Variants in CREBZF observed in about 807,000 individuals in gnomAD.
CREBZF encodes the protein HCF-binding transcription factor Zhangfei.
A neutral mutation model predicts 21.1 loss-of-function variants in CREBZF; 8 were observed. The observed-to-expected ratio is 0.38, with a 90% CI of 0.22 to 0.68. The LOEUF (loss-of-function observed/expected upper bound fraction) is 0.68, where lower values mean the gene tolerates loss of function less well. Ranked by LOEUF, CREBZF falls within the 30% of genes least tolerant of loss-of-function variation. CREBZF has a pLI of 0.51. For missense variants in CREBZF, 518 were observed against 484.3 expected (o/e 1.07, Z -0.65); for synonymous variants, 270 against 223.3 (o/e 1.21, Z -1.86).
At chr11:85,679,829 C>T (rs1176714150) in intron 1 of CREBZF, among the ~76,000 whole-genome samples, 1 of 152,216 alleles carries the variant, frequency 6.6e-6, no homozygotes, top group African/African-American at 2.4e-5. Context: ...CCGTGCCTAC[C>T]CAGTTCTTGG....
At position 85,664,101 on chromosome 11, in the gene CREBZF, C is replaced by A. The variant is rs1670468194; in HGVS notation, c.775G>T (p.Ala259Ser). 1 of 1,613,654 alleles carries A rather than the reference C, an allele frequency of 6.2e-7. No homozygotes were observed. Among genetic ancestry groups the A allele is most frequent in the Non-Finnish European group, 8.5e-7 (1 of 1,180,042 alleles). The change falls in exon 1 of 1, where the codon GCA becomes TCA. Residue 259 changes from alanine (A) to serine (S), a missense_variant. Ala to Ser is a moderately conservative substitution (Grantham distance 99). Coordinates refer to ENST00000527447, the MANE Select transcript of CREBZF (RefSeq NM_001039618.4). This position sits in a 1 kb window ranked among gnomAD's most constrained non-coding sequence, Gnocchi z 5.5. ...AGGTAGCGACTCTCCTCCTGCAGTG[C>A]CTGTACGCGTTTGCCCAGCTCCCGA... The part of the protein sequence containing the change: ...ENRELGKRVQ[A>S]LQEESRYLRA...
chr11:85,681,926 AAAAC>A (rs1434691473), intron 1 of CREBZF, among the ~76,000 whole-genome samples: 1 of 152,242 alleles, frequency 6.6e-6, no homozygotes, highest in Non-Finnish European at 1.5e-5. Flanking sequence ...ACAGAGGAAG[AAAAC>A]AATGCCTTTT....
intron 1 of CREBZF, among the ~76,000 whole-genome samples, chr11:85,673,667 C>G (rs2082926562): frequency 1.3e-5 from 2 of 152,144 alleles, no homozygotes; most frequent in Admixed American, 6.5e-5. Context: ...TTTGCAGCAT[C>G]AACTGACACT....
chr11:85,662,495 T>C lies in CREBZF; in HGVS notation c.*1316A>G, dbSNP rs1468068696. On this transcript the variant is annotated 3_prime_UTR_variant, in exon 1 of 1. Transcript: ENST00000527447. The stretch of plus-strand genomic sequence containing the variant: ...GAAAAACAAGGATGCTAAATACGTA[T>C]ATACTTTATCAAGCAGTGATGTTTC... 2 of 707,416 alleles carry C rather than the reference T, an allele frequency of 2.8e-6. No individual in the cohort carries two copies. Among genetic ancestry groups the C allele is most frequent in the African/African-American group, 1.8e-5 (1 of 56,836 alleles). The allele number at this position is 707,416 out of a possible 1,614,324, so 43.8% of individuals were successfully genotyped here.
At position 85,661,694 on chromosome 11, in the gene CREBZF, T is replaced by G. The variant is rs2082685027; in HGVS notation, c.*2117A>C. On this transcript the variant is annotated 3_prime_UTR_variant, in exon 1 of 1. Transcript: ENST00000527447. Reference sequence around the variant, plus strand: ...GCATTAACAATCATTTTTCCTATTTTCATCCATTATTTTCCAATATCATGT... The same window carrying G: ...GCATTAACAATCATTTTTCCTATTTGCATCCATTATTTTCCAATATCATGT... The G allele has an allele frequency of 1.3e-5, 2 of 152,552 alleles. No homozygotes were observed. The highest frequency in any genetic ancestry group is 1.3e-4 in the Admixed American group (2 of 15,272). The allele number at this position is 152,552 out of a possible 1,614,324, so 9.4% of individuals were successfully genotyped here. A position where few individuals can be genotyped will look rare whatever the true frequency, so the allele number is the denominator to read the frequency against.
intron 1 of CREBZF, among the ~76,000 whole-genome samples, chr11:85,678,154 T>C (rs1279638424): frequency 6.6e-6 from 1 of 152,220 alleles, no homozygotes; most frequent in Non-Finnish European, 1.5e-5. Context: ...TAGTCTCTGA[T>C]AGTTAATTTG....
At chr11:85,679,481 A>C (rs2082962462) in intron 1 of CREBZF, among the ~76,000 whole-genome samples, 1 of 152,262 alleles carries the variant, frequency 6.6e-6, no homozygotes, top group South Asian at 2.1e-4. Context: ...CAGAAAGATC[A>C]GAAATGAAAG....
rs17743826 is a variant in CREBZF, at chr11:85,662,127, G to C, written c.*1684C>G. 9,057 of 414,956 alleles carry C rather than the reference G, an allele frequency of 0.022. 182 individuals carry two copies. The highest frequency in any genetic ancestry group is 0.06 in the Middle Eastern group (81 of 1,360). 25.7% of individuals were successfully genotyped at this position (414,956 alleles called of 1,614,324 possible). A position where few individuals can be genotyped will look rare whatever the true frequency, so the allele number is the denominator to read the frequency against. On this transcript the variant is annotated 3_prime_UTR_variant, in exon 1 of 1. Transcript: ENST00000527447. ...TTCATGCTCAAGTGCAGTAGTAGAT[G>C]ATTTTACAAAATATGCTGTGATGCA...
upstream of CREBZF, among the ~76,000 whole-genome samples, chr11:85,665,378 T>C (rs2082845311): frequency 6.6e-6 from 1 of 152,114 alleles, no homozygotes; most frequent in Non-Finnish European, 1.5e-5. Context: ...TGTAAATTTT[T>C]TTTTTGCTGA....
chr11:85,676,464 G>A (rs959384409), intron 1 of CREBZF, among the ~76,000 whole-genome samples: 1 of 152,010 alleles, frequency 6.6e-6, no homozygotes, highest in East Asian at 1.9e-4. Flanking sequence ...CACAAAATGA[G>A]GAGAATAGTA....
intron 1 of CREBZF, among the ~76,000 whole-genome samples, chr11:85,680,109 T>C (rs1159496416): frequency 6.6e-6 from 1 of 152,202 alleles, no homozygotes; most frequent in East Asian, 1.9e-4. Context: ...TTTATGCAGC[T>C]GGAAATGTTT....
intron 1 of CREBZF, among the ~76,000 whole-genome samples, chr11:85,679,674 T>C (rs991139782): frequency 6.6e-6 from 1 of 152,122 alleles, no homozygotes; most frequent in Non-Finnish European, 1.5e-5. Flanking sequence ...AGGAGAGAAA[T>C]ACTAATCATT....
rs745827477 is a variant in CREBZF at position 85,664,676 on chromosome 11, C to G, written c.200G>C (p.Arg67Thr). The G allele has an allele frequency of 3.7e-6, 6 of 1,603,562 alleles. No individual in the cohort carries two copies. The highest frequency in any genetic ancestry group is 1.7e-4 in the Middle Eastern group (1 of 6,034). Reference sequence around the variant, plus strand: ...CACGGCCACGCCGCCGCGGCTCCCCCTCCCGGCTTCCAACTCTCCTTCGTC... The same window carrying G: ...CACGGCCACGCCGCCGCGGCTCCCCGTCCCGGCTTCCAACTCTCCTTCGTC... ...FGDEGELEAG[R>T]GSRGGVAVRA... The change falls in exon 1 of 1, where the codon AGG becomes ACG. Residue 67 changes from arginine (R) to threonine (T), a missense_variant. By Grantham distance (71) the Arg-to-Thr change is moderately conservative (BLOSUM62 -1). Around this residue, in one of 3 missense-constraint regions of CREBZF, gnomAD observed 396 missense variants for 324.4 expected, o/e 1.22. Coordinates refer to ENST00000527447, the MANE Select transcript of CREBZF (RefSeq NM_001039618.4). This position sits in a 1 kb window ranked among gnomAD's most constrained non-coding sequence, Gnocchi z 5.5.
intron 1 of CREBZF, among the ~76,000 whole-genome samples, chr11:85,680,504 G>C (rs987981460): frequency 6.6e-6 from 1 of 152,224 alleles, no homozygotes; most frequent in Non-Finnish European, 1.5e-5. Context: ...TGGGACTGGG[G>C]AGTAAGGGTG....
intron 1 of CREBZF, among the ~76,000 whole-genome samples, chr11:85,679,705 G>A (rs2082964211): frequency 6.6e-6 from 1 of 152,178 alleles, no homozygotes; most frequent in Non-Finnish European, 1.5e-5. Context: ...CTTTAGGGAC[G>A]AAAAAGATAT....
At position 85,663,728 on chromosome 11, in the gene CREBZF, G is replaced by A; in HGVS notation, c.*83C>T. 2 of 1,593,570 alleles carry A rather than the reference G, an allele frequency of 1.3e-6. No homozygotes were observed. The highest frequency in any genetic ancestry group is 3.4e-5 in the Admixed American group (2 of 58,578). ...TTCTCTCCTCTGAAATGTGTCCGGT[G>A]AAGATGTCCCACTAAGGTAAGTTTG... On this transcript the variant is annotated 3_prime_UTR_variant, in exon 1 of 1. Coordinates refer to ENST00000527447, the MANE Select transcript of CREBZF (RefSeq NM_001039618.4).
upstream of CREBZF, among the ~76,000 whole-genome samples, chr11:85,669,001 CAAAAAAAAAAAAAAAAAAAAAAAAAA>C (rs61718728): frequency 1.2e-4 from 4 of 33,218 alleles, no homozygotes; most frequent in Admixed American, 1.0e-3. Context: ...GACTCCGTCT[CAAAAAAAAAAAAAAAAAAAAAAAAAA>C]AAAAAAAAAA....
Position 85,664,529 on chromosome 11 carries a change from G to T in CREBZF, c.347C>A (p.Pro116Gln). The change falls in exon 1 of 1, where the codon CCG becomes CAG. Residue 116 changes from proline to glutamine, a missense_variant. By Grantham distance (76) the Pro-to-Gln change is moderately conservative (BLOSUM62 -1). Transcript: ENST00000527447. The surrounding 1 kb of genome is among the most constrained non-coding windows in gnomAD (Gnocchi z 5.5). ...ELADLLDPRQ[P>Q]DWHLDPGLSS... ...AAGCCCGGGGTCCAGGTGCCAGTCC[G>T]GTTGCCTGGGGTCCAGGAGATCCGC... The T allele has an allele frequency of 6.2e-7, 1 of 1,613,762 alleles. No homozygotes were observed. Among genetic ancestry groups the T allele is most frequent in the Non-Finnish European group, 8.5e-7 (1 of 1,179,964 alleles).
chr11:85,664,653 C>T lies in CREBZF; in HGVS notation c.223G>A (p.Val75Met). Residue 75 changes from valine (V) to methionine (M), a missense_variant, in exon 1 of 1, where the codon GTG (valine) becomes ATG (methionine). Val to Met is a conservative substitution (Grantham distance 21). Coordinates refer to ENST00000527447, the MANE Select transcript of CREBZF (RefSeq NM_001039618.4). The surrounding 1 kb of genome is among the most constrained non-coding windows in gnomAD (Gnocchi z 5.5). ...AGRGSRGGVAVRAPSPEEMEE... is the reference protein window; with the variant it reads ...AGRGSRGGVAMRAPSPEEMEE... ...ATCTCCTCGGGGGAGGGCGCGCGCA[C>T]GGCCACGCCGCCGCGGCTCCCCCTC... The T allele has an allele frequency of 6.2e-7, 1 of 1,604,400 alleles. No individual in the cohort carries two copies. The highest frequency in any genetic ancestry group is 1.1e-5 in the South Asian group (1 of 90,456).
Sources: allele counts gnomAD v4.1 joint callset (sites outside exome capture counted in the v4.1 genomes callset), GRCh38; gene constraint gnomAD v4.1.1; regional missense constraint gnomAD v4.1.1; non-coding constraint Gnocchi (gnomAD v3.1); transcripts MANE v1.5; gene names NCBI Gene and HGNC (gene_info 2026-07-23, HGNC 2026-07-21).